Variants in LDLRAD4 observed in about 807,000 individuals in gnomAD.
LDLRAD4 encodes low density lipoprotein receptor class A domain containing 4.
In LDLRAD4, 5 loss-of-function variants were observed where a neutral mutation model predicts 17.0. The observed-to-expected ratio is 0.29, with a 90% CI of 0.15 to 0.62. The LOEUF is 0.62. Among genes scored for constraint, LDLRAD4 ranks in the 20% least tolerant of loss-of-function variants. The pLI, the probability that LDLRAD4 is intolerant of heterozygous loss-of-function variation, is 0.84. For missense variants in LDLRAD4, 340 were observed against 424.7 expected (o/e 0.80, Z 1.75); for synonymous variants, 168 against 171.8 (o/e 0.98, Z 0.17).
intron 3 of LDLRAD4, among the ~76,000 whole-genome samples, chr18:13,591,341 G>A (rs894123221): frequency 1.3e-5 from 2 of 152,056 alleles, no homozygotes; most frequent in Admixed American, 6.6e-5. Flanking sequence ...AAGAGATTAA[G>A]TCTACATTTG....
intron 1 of LDLRAD4, among the ~76,000 whole-genome samples, chr18:13,291,367 A>G (rs2045952878): frequency 6.6e-6 from 1 of 152,244 alleles, no homozygotes; most frequent in South Asian, 2.1e-4. Flanking sequence ...TATTCAATAC[A>G]TAGTTATTGA....
At chr18:13,558,203 G>A (rs1339299345) in intron 3 of LDLRAD4, among the ~76,000 whole-genome samples, 4 of 152,212 alleles carry the variant, frequency 2.6e-5, no homozygotes, top group African/African-American at 9.6e-5. Flanking sequence ...AATATTGAGT[G>A]GGACTGTATC....
At chr18:13,256,759 AG>A (rs2145890872) in intron 1 of LDLRAD4, among the ~76,000 whole-genome samples, 1 of 152,238 alleles carries the variant, frequency 6.6e-6, no homozygotes, top group East Asian at 1.9e-4. Flanking sequence ...TGGAAGAGAG[AG>A]CCTCTCTTTC....
At chr18:13,596,455 A>G (rs1052890772) in intron 3 of LDLRAD4, among the ~76,000 whole-genome samples, 5 of 151,840 alleles carry the variant, frequency 3.3e-5, no homozygotes, top group African/African-American at 1.2e-4. Context: ...TACTGCTTTA[A>G]GTTATTTTCT....
chr18:13,380,475 T>C (rs1329985009), intron 1 of LDLRAD4, among the ~76,000 whole-genome samples: 1 of 152,220 alleles, frequency 6.6e-6, no homozygotes, highest in Non-Finnish European at 1.5e-5. Flanking sequence ...CCCCTCTCCC[T>C]GAGCCTCTGG....
intron 1 of LDLRAD4, among the ~76,000 whole-genome samples, chr18:13,281,854 A>C (rs1202636231): frequency 6.6e-6 from 1 of 152,134 alleles, no homozygotes; most frequent in African/African-American, 2.4e-5. Flanking sequence ...ATTGTCCCCG[A>C]TTCTTCAACT....
chr18:13,590,253 T>G (rs1366513841), intron 3 of LDLRAD4, among the ~76,000 whole-genome samples: 1 of 140,966 alleles, frequency 7.1e-6, no homozygotes, highest in Non-Finnish European at 1.5e-5. Context: ...GTGAGGGGGA[T>G]AGGTGTGTAT....
chr18:13,511,969 A>G (rs2093788014), intron 3 of LDLRAD4, among the ~76,000 whole-genome samples: 1 of 152,246 alleles, frequency 6.6e-6, no homozygotes, highest in African/African-American at 2.4e-5. Context: ...AACATCTGGG[A>G]TGTATGTACC....
intron 3 of LDLRAD4, among the ~76,000 whole-genome samples, chr18:13,548,718 T>G (rs2094399097): frequency 6.6e-6 from 1 of 152,144 alleles, no homozygotes; most frequent in African/African-American, 2.4e-5. Context: ...GCTGCAGCTA[T>G]GCCTGGGAGA....
At chr18:13,614,685 A>T (rs908239563) in intron 3 of LDLRAD4, 1 of 152,184 alleles carries the variant, frequency 6.6e-6, no homozygotes, top group East Asian at 1.9e-4. Flanking sequence ...AACAGTTCAC[A>T]AACTTGAGGC....
At chr18:13,578,403 G>A (rs898064987) in intron 3 of LDLRAD4, among the ~76,000 whole-genome samples, 1 of 152,178 alleles carries the variant, frequency 6.6e-6, no homozygotes, top group Non-Finnish European at 1.5e-5. Context: ...AGGAGATGGG[G>A]ATGGTCTCCC....
rs559095674 is a variant in LDLRAD4, at chr18:13,583,165, A to G, written c.182-37952A>G. On this transcript the variant is annotated intron_variant, in intron 3 of 5. Transcript: ENST00000359446. Reference sequence around the variant, plus strand: ...TTATTTACTAGCCACAGTGGACTAGATGCTATCCAAAAAATTAGAAGCTTT... The same window carrying G: ...TTATTTACTAGCCACAGTGGACTAGGTGCTATCCAAAAAATTAGAAGCTTT... 2.7e-4 allele frequency among the ~76,000 whole-genome samples: 41 copies of G among 152,366 alleles called. No individual in the cohort carries two copies. The South Asian group carries it at 8.1e-3, about 30-fold the overall frequency.
intron 3 of LDLRAD4, among the ~76,000 whole-genome samples, chr18:13,601,245 C>A (rs193288206): frequency 5.9e-5 from 9 of 152,164 alleles, no homozygotes; most frequent in African/African-American, 1.4e-4. Flanking sequence ...ATCATTTATC[C>A]AAAATCTATG....
At chr18:13,326,091 CAT>C (rs1292352762) in intron 1 of LDLRAD4, among the ~76,000 whole-genome samples, 14 of 152,050 alleles carry the variant, frequency 9.2e-5, no homozygotes, top group African/African-American at 3.1e-4. Context: ...TATATGGTGA[CAT>C]GTGGCTGATA....
intron 1 of LDLRAD4, among the ~76,000 whole-genome samples, chr18:13,278,990 C>T (rs1383219658): frequency 6.6e-6 from 1 of 152,220 alleles, no homozygotes; most frequent in Non-Finnish European, 1.5e-5. Context: ...TGCTGAGGCA[C>T]ACAGACCCTG....
chr18:13,354,499 AT>A (rs1293215725), intron 1 of LDLRAD4, among the ~76,000 whole-genome samples: 1 of 152,180 alleles, frequency 6.6e-6, no homozygotes, highest in Non-Finnish European at 1.5e-5. Flanking sequence ...GGCTACTGTG[AT>A]TAGAAATTAC....
rs2085930829 is a variant in LDLRAD4, at chr18:13,387,623, G to A, written c.-100G>A. 3 of 1,100,658 alleles carry A rather than the reference G, an allele frequency of 2.7e-6. No individual in the cohort carries two copies. The South Asian group carries it at 3.8e-5, about 14-fold the overall frequency. 68.2% of individuals were successfully genotyped at this position (1,100,658 alleles called of 1,614,324 possible). On this transcript the variant is annotated 5_prime_UTR_variant, in exon 2 of 6. The change creates a premature stop within an existing upstream ORF in the 5' untranslated region. Transcript: ENST00000359446. The stretch of plus-strand genomic sequence containing the variant: ...CAGAGGCCGGCCCAGCAGAGCGATG[G>A]ACTTGGACAGGCTAAGATGGAAGTG...
intron 3 of LDLRAD4, among the ~76,000 whole-genome samples, chr18:13,549,275 A>G (rs2094405971): frequency 6.6e-6 from 1 of 152,254 alleles, no homozygotes; most frequent in African/African-American, 2.4e-5. Flanking sequence ...TTTATTAAAC[A>G]TTCTTAATAA....
intron 1 of LDLRAD4, among the ~76,000 whole-genome samples, chr18:13,323,136 C>T (rs1456926025): frequency 1.3e-5 from 2 of 152,224 alleles, no homozygotes; most frequent in Admixed American, 1.3e-4. Flanking sequence ...GTCCTTCTCA[C>T]TCCACAGAAA....
Sources: allele counts gnomAD v4.1 joint callset (sites outside exome capture counted in the v4.1 genomes callset), GRCh38; gene constraint gnomAD v4.1.1; transcripts MANE v1.5; gene names NCBI Gene and HGNC (gene_info 2026-07-23, HGNC 2026-07-21).